KCNT2: variants seen among roughly 807,000 people sequenced by gnomAD.
KCNT2 encodes the protein potassium sodium-activated channel subfamily T member 2, also known as potassium channel subfamily T member 2.
In KCNT2, 67 loss-of-function variants were observed where a neutral mutation model predicts 153.8. The ratio of observed to expected loss-of-function variants is 0.44; its 90% CI spans 0.36 to 0.53. KCNT2 has a LOEUF of 0.53. KCNT2 is among the 20% of genes least tolerant of loss of function. The pLI is 0.00. For missense variants in KCNT2, 975 were observed against 1,354.8 expected (o/e 0.72, Z 4.40); for synonymous variants, 500 against 458.8 (o/e 1.09, Z -1.15).
chr1:196,257,773 T>C lies in KCNT2; in HGVS notation c.3211+421A>G, dbSNP rs191239081. ...TAAACCACATACACTAAACAAATTT[T>C]ATAAGAACATTTTGGTTTACCTGTG... is the stretch of plus-strand genomic sequence containing the variant. On this transcript the variant is annotated intron_variant, in intron 26 of 27. Transcript: ENST00000294725. 6.6e-3 allele frequency: 6,540 copies of C among 984,126 alleles called. 26 individuals carry two copies. Among genetic ancestry groups the C allele is most frequent in the Middle Eastern group, 0.016 (30 of 1,912 alleles). 61.0% of individuals were successfully genotyped at this position (984,126 alleles called of 1,614,324 possible).
At position 196,401,830 on chromosome 1, in the gene KCNT2, C is replaced by G. The variant is rs546236052; in HGVS notation, c.1186-3159G>C. 5.3e-5 allele frequency among the ~76,000 whole-genome samples: 8 copies of G among 151,536 alleles called. No homozygotes were observed. In the East Asian group the frequency reaches 1.6e-3, roughly 30 times the overall value. On this transcript the variant is annotated intron_variant, in intron 12 of 27. Coordinates refer to ENST00000294725, the MANE Select transcript of KCNT2 (RefSeq NM_198503.5). ...TGTAGAAGACATACACTTATAAGTT[C>G]AAGAAAATTAGCAAAATCTAAACTA... is the stretch of plus-strand genomic sequence containing the variant.
chr1:196,382,887 C>G (rs774840808), intron 13 of KCNT2, among the ~76,000 whole-genome samples: 1 of 151,924 alleles, frequency 6.6e-6, no homozygotes, highest in Non-Finnish European at 1.5e-5. Flanking sequence ...CACAATCTGA[C>G]CCACTGAGTA....
Position 196,547,153 on chromosome 1 carries a change from G to T in KCNT2, c.96-54812C>A, listed in dbSNP as rs1032177700. Among the ~76,000 whole-genome samples, 138 of 152,042 alleles carry T rather than the reference G, an allele frequency of 9.1e-4. 1 individual carries two copies. The highest frequency in any genetic ancestry group is 3.2e-3 in the African/African-American group (133 of 41,524). On this transcript the variant is annotated intron_variant, in intron 1 of 27. Coordinates refer to ENST00000294725, the MANE Select transcript of KCNT2 (RefSeq NM_198503.5). Reference sequence around the variant, plus strand: ...TACTCATCACACTTCCTTGTGGAGAGAATAAAAATATGTAATTAAATATTT... The same window carrying T: ...TACTCATCACACTTCCTTGTGGAGATAATAAAAATATGTAATTAAATATTT...
chr1:196,439,557 A>T (rs1675038835), intron 8 of KCNT2, among the ~76,000 whole-genome samples: 1 of 151,984 alleles, frequency 6.6e-6, no homozygotes, highest in South Asian at 2.1e-4. Context: ...CAACCTACAG[A>T]TAGTAGGGGA....
chr1:196,391,655 A>G (rs1365720848), intron 13 of KCNT2, among the ~76,000 whole-genome samples: 1 of 151,426 alleles, frequency 6.6e-6, no homozygotes, highest in Non-Finnish European at 1.5e-5. Flanking sequence ...GAAAATAAAC[A>G]GGAAAGATGG....
At chr1:196,336,754 G>A (rs993159243) in intron 16 of KCNT2, among the ~76,000 whole-genome samples, 6 of 152,110 alleles carry the variant, frequency 3.9e-5, no homozygotes, top group Non-Finnish European at 8.8e-5. Context: ...CTTATGTTAC[G>A]ACCTATCAGT....
At chr1:196,384,697 AC>A (rs762119379) in intron 13 of KCNT2, among the ~76,000 whole-genome samples, 1 of 100,306 alleles carries the variant, frequency 1.0e-5, no homozygotes, top group Non-Finnish European at 2.0e-5. Context: ...ACAGAGTGAG[AC>A]CCCATCTCCA....
intron 8 of KCNT2, among the ~76,000 whole-genome samples, chr1:196,463,310 T>C (rs574538181): frequency 2.6e-5 from 4 of 151,952 alleles, no homozygotes; most frequent in African/African-American, 9.6e-5. Flanking sequence ...AGACCTTTGA[T>C]GTTGAACTTG....
rs1459580759 is a variant in KCNT2 at position 196,473,974 on chromosome 1, A to G, written c.385-4906T>C. On this transcript the variant is annotated intron_variant, in intron 5 of 27. Transcript: ENST00000294725. ...GATAAAAAGCATTATTCTTCTTCCA[A>G]AAAGTAACTTCTTTAGTTTCTAAGT... 2.6e-5 allele frequency among the ~76,000 whole-genome samples: 4 copies of G among 152,162 alleles called. No individual in the cohort carries two copies. The East Asian group carries it at 7.7e-4, about 29-fold the overall frequency.
At chr1:196,529,809 A>G (rs1654710286) in intron 1 of KCNT2, among the ~76,000 whole-genome samples, 1 of 152,106 alleles carries the variant, frequency 6.6e-6, no homozygotes. Context: ...TTCTTTCTAA[A>G]AATCTTTTAC....
chr1:196,350,604 C>T (rs1445578505), intron 14 of KCNT2, among the ~76,000 whole-genome samples: 3 of 152,096 alleles, frequency 2.0e-5, no homozygotes, highest in Non-Finnish European at 4.4e-5. Flanking sequence ...TGGATATTAG[C>T]CTTCTGTCAG....
At chr1:196,493,701 C>A (rs1680032979) in intron 1 of KCNT2, among the ~76,000 whole-genome samples, 1 of 152,046 alleles carries the variant, frequency 6.6e-6, no homozygotes, top group Non-Finnish European at 1.5e-5. Flanking sequence ...CTATCCCTTC[C>A]CCAGGCCCCA....
chr1:196,281,848 C>T (rs992216035), intron 24 of KCNT2, among the ~76,000 whole-genome samples: 5 of 151,794 alleles, frequency 3.3e-5, no homozygotes, highest in Non-Finnish European at 5.9e-5. Context: ...GCTCTGCCCC[C>T]TGGGTTCACG....
chr1:196,389,482 T>C (rs1205079535), intron 13 of KCNT2, among the ~76,000 whole-genome samples: 1 of 151,750 alleles, frequency 6.6e-6, no homozygotes, highest in Non-Finnish European at 1.5e-5. Flanking sequence ...AATTGGATAC[T>C]GGCCAATGTG....
intron 26 of KCNT2, among the ~76,000 whole-genome samples, chr1:196,240,798 G>A (rs1654881534): frequency 6.6e-6 from 1 of 152,008 alleles, no homozygotes. Flanking sequence ...AGAAAACATT[G>A]AAAGCTTGTA....
intron 1 of KCNT2, among the ~76,000 whole-genome samples, chr1:196,515,889 C>T (rs1261786026): frequency 6.6e-6 from 1 of 152,092 alleles, no homozygotes; most frequent in Non-Finnish European, 1.5e-5. Context: ...ACCCCAGGGA[C>T]CCATGCTTCT....
At position 196,604,302 on chromosome 1, in the gene KCNT2, G is replaced by A. The variant is rs114330566; in HGVS notation, c.95+3913C>T. On this transcript the variant is annotated intron_variant, in intron 1 of 27. Transcript: ENST00000294725. ...ATCTGTGACCCCCTCCAGACTGAGC[G>A]CTATTTCATATTCTTTTCCGTATTT... is the stretch of plus-strand genomic sequence containing the variant. 4.9e-3 allele frequency among the ~76,000 whole-genome samples: 746 copies of A among 152,170 alleles called. 3 individuals are homozygous for A. The highest frequency in any genetic ancestry group is 0.016 in the African/African-American group (675 of 41,516).
chr1:196,510,289 G>A (rs911000325), intron 1 of KCNT2, among the ~76,000 whole-genome samples: 1 of 151,978 alleles, frequency 6.6e-6, no homozygotes, highest in African/African-American at 2.4e-5. Context: ...TAAACCCTGG[G>A]CACTATGCAG....
At chr1:196,235,575 A>G (rs974496680) in intron 27 of KCNT2, among the ~76,000 whole-genome samples, 3 of 151,316 alleles carry the variant, frequency 2.0e-5, no homozygotes, top group Admixed American at 6.6e-5. Flanking sequence ...TTATTTTTCA[A>G]GAAATAAAAT....
Sources: allele counts gnomAD v4.1 joint callset (sites outside exome capture counted in the v4.1 genomes callset), GRCh38; gene constraint gnomAD v4.1.1; transcripts MANE v1.5; gene names NCBI Gene and HGNC (gene_info 2026-07-23, HGNC 2026-07-21).